PCSK2: variants seen among roughly 807,000 people sequenced by gnomAD.
PCSK2 encodes neuroendocrine convertase 2.
In PCSK2, 14 loss-of-function variants were observed where a neutral mutation model predicts 69.7. The observed-to-expected ratio is 0.20, with a 90% CI of 0.13 to 0.31. PCSK2 has a LOEUF of 0.31. PCSK2 is among the 10% of genes least tolerant of loss of function. The pLI, the probability that PCSK2 is intolerant of heterozygous loss-of-function variation, is 1.00. For missense variants in PCSK2, 544 were observed against 842.5 expected (o/e 0.65, Z 4.39); for synonymous variants, 307 against 320.7 (o/e 0.96, Z 0.46).
chr20:17,479,759 T>G (rs1209302162), intron 11 of PCSK2, among the ~76,000 whole-genome samples: 1 of 132,070 alleles, frequency 7.6e-6, no homozygotes, highest in Non-Finnish European at 1.5e-5. Context: ...ATGGCGCCAC[T>G]GCACTCCAGC....
intron 4 of PCSK2, among the ~76,000 whole-genome samples, chr20:17,367,536 C>A (rs1290846425): frequency 1.3e-5 from 2 of 152,250 alleles, no homozygotes; most frequent in African/African-American, 4.8e-5. Flanking sequence ...TGCTCATCCC[C>A]AACTTCACCC....
At chr20:17,476,188 T>C (rs767774026) in intron 11 of PCSK2, among the ~76,000 whole-genome samples, 15 of 152,190 alleles carry the variant, frequency 9.9e-5, no homozygotes, top group Non-Finnish European at 2.1e-4. Context: ...CAACTGCTTT[T>C]CCTAGAGCCT....
chr20:17,354,100 A>G (rs1300161552), intron 2 of PCSK2, among the ~76,000 whole-genome samples: 1 of 152,224 alleles, frequency 6.6e-6, no homozygotes, highest in Non-Finnish European at 1.5e-5. Flanking sequence ...CTTGAGCATC[A>G]TGCCATATAT....
chr20:17,391,906 GAGGA>G (rs145258467), intron 5 of PCSK2, among the ~76,000 whole-genome samples: 5,884 of 99,928 alleles, frequency 0.059, 370 homozygotes, highest in African/African-American at 0.19. Flanking sequence ...GAAAGAGAGA[GAGGA>G]AGGAAGGAAG....
intron 2 of PCSK2, among the ~76,000 whole-genome samples, chr20:17,321,837 C>T (rs1989877696): frequency 6.6e-6 from 1 of 152,064 alleles, no homozygotes; most frequent in Non-Finnish European, 1.5e-5. Flanking sequence ...TTGTATCAGG[C>T]ATAGATTTAT....
chr20:17,432,712 A>G (rs1236924419), intron 7 of PCSK2, among the ~76,000 whole-genome samples: 1 of 152,168 alleles, frequency 6.6e-6, no homozygotes, highest in Non-Finnish European at 1.5e-5. Flanking sequence ...GGTTTTTGCA[A>G]ATTTGTCAAA....
rs117968081 is a variant in PCSK2, at chr20:17,318,374, A to G, written c.283-39953A>G. ...AATGGACATTTAAGATCCAAAATGT[A>G]TTGAAGTCGAGTTGTCATCACGTTT... On this transcript the variant is annotated intron_variant, in intron 2 of 11. Transcript: ENST00000262545. Among the ~76,000 whole-genome samples the G allele has an allele frequency of 7.1e-4, 108 of 152,308 alleles. 1 individual carries two copies. In the East Asian group the frequency reaches 0.02, roughly 28 times the overall value.
rs200191838 is a variant in PCSK2, at chr20:17,356,147, GTATA to G, written c.283-2170_283-2167del. Among the ~76,000 whole-genome samples the G allele has an allele frequency of 6.0e-5, 9 of 151,198 alleles. No homozygotes were observed. The South Asian group carries it at 1.7e-3, about 28-fold the overall frequency. On this transcript the variant is annotated intron_variant, in intron 2 of 11. Transcript: ENST00000262545. ...TATATACACACATACATGTGCATAA[GTATA>G]TATATATATGTATATGTACCTTTGA... is the stretch of plus-strand genomic sequence containing the variant.
chr20:17,255,147 C>A (rs1210877724), intron 1 of PCSK2, among the ~76,000 whole-genome samples: 2 of 152,140 alleles, frequency 1.3e-5, no homozygotes, highest in African/African-American at 4.8e-5. Flanking sequence ...AATCTTGATG[C>A]CTTTATTTCT....
At chr20:17,472,166 A>C (rs1260211635) in intron 11 of PCSK2, among the ~76,000 whole-genome samples, 1 of 152,224 alleles carries the variant, frequency 6.6e-6, no homozygotes, top group East Asian at 1.9e-4. Flanking sequence ...TGTCTAACAC[A>C]GCTGCCCCCA....
At chr20:17,308,490 T>C (rs1462991134) in intron 2 of PCSK2, among the ~76,000 whole-genome samples, 1 of 152,084 alleles carries the variant, frequency 6.6e-6, no homozygotes, top group Non-Finnish European at 1.5e-5. Context: ...AGTGCAAAGG[T>C]CCCGAGGACA....
intron 6 of PCSK2, among the ~76,000 whole-genome samples, chr20:17,411,446 T>C (rs1302909064): frequency 6.6e-6 from 1 of 152,240 alleles, no homozygotes. Flanking sequence ...CAGTCTGAGA[T>C]TGATCTGCAA....
intron 2 of PCSK2, among the ~76,000 whole-genome samples, chr20:17,324,205 AT>A (rs1989968193): frequency 1.3e-5 from 2 of 152,180 alleles, no homozygotes; most frequent in Admixed American, 6.5e-5. Context: ...TAGATAAACT[AT>A]ACTCAAGTCT....
chr20:17,389,431 G>C (rs1029767927), intron 5 of PCSK2, among the ~76,000 whole-genome samples: 2 of 152,022 alleles, frequency 1.3e-5, no homozygotes, highest in Non-Finnish European at 2.9e-5. Context: ...AATATAGGGA[G>C]AGAATGGTGG....
chr20:17,291,389 TTTTG>T (rs1988689977), intron 2 of PCSK2, among the ~76,000 whole-genome samples: 1 of 152,178 alleles, frequency 6.6e-6, no homozygotes, highest in Non-Finnish European at 1.5e-5. Flanking sequence ...TTTTGTTTTG[TTTTG>T]TTTTTGTTTA....
intron 2 of PCSK2, among the ~76,000 whole-genome samples, chr20:17,280,753 T>G (rs1414871423): frequency 6.6e-6 from 1 of 152,184 alleles, no homozygotes; most frequent in African/African-American, 2.4e-5. Flanking sequence ...AAATGATAGC[T>G]GAGTAATTAA....
chr20:17,359,639 C>G (rs562222364), intron 3 of PCSK2, among the ~76,000 whole-genome samples: 2 of 152,340 alleles, frequency 1.3e-5, no homozygotes, highest in Admixed American at 6.5e-5. Context: ...ATTCTAACTT[C>G]AGAGTGGGTG....
At chr20:17,428,170 T>G (rs1193731002) in intron 6 of PCSK2, among the ~76,000 whole-genome samples, 1 of 152,184 alleles carries the variant, frequency 6.6e-6, no homozygotes, top group Non-Finnish European at 1.5e-5. Context: ...GAAGACTTAT[T>G]TAATATCTTT....
At chr20:17,311,055 T>C (rs2123111776) in intron 2 of PCSK2, among the ~76,000 whole-genome samples, 1 of 143,458 alleles carries the variant, frequency 7.0e-6, no homozygotes, top group Admixed American at 7.0e-5. Context: ...TCCTCAGGGA[T>C]AGAAAGGGTA....
Sources: gnomAD v4.1 joint callset for allele counts (sites outside exome capture counted in the v4.1 genomes callset) on GRCh38, gnomAD v4.1.1 for gene constraint, MANE v1.5 for transcripts, NCBI Gene and HGNC (gene_info 2026-07-23, HGNC 2026-07-21) for gene names.